MYO16: variants seen among roughly 807,000 people sequenced by gnomAD.
The protein encoded by MYO16 is unconventional myosin-XVI.
A neutral mutation model predicts 205.3 loss-of-function variants in MYO16; 94 were observed. That is an observed-to-expected ratio of 0.46 (90% CI 0.39 to 0.54). MYO16 has a LOEUF of 0.54. Ranked by LOEUF, MYO16 falls within the 20% of genes least tolerant of loss-of-function variation. The probability of loss-of-function intolerance (pLI) is 0.00; values close to 1 mark genes in which losing one functional copy is unlikely to be tolerated. For synonymous variants in MYO16, 988 were observed against 954.0 expected (o/e 1.04, Z -0.66); for missense variants, 2,315 against 2,387.5 (o/e 0.97, Z 0.63).
At chr13:109,032,382 C>T (rs550710600) in intron 23 of MYO16, among the ~76,000 whole-genome samples, 2 of 152,260 alleles carry the variant, frequency 1.3e-5, no homozygotes, top group South Asian at 2.1e-4. Flanking sequence ...CCTCCCACAT[C>T]GTCGCACATA....
At chr13:108,956,582 A>G (rs1370471179) in intron 16 of MYO16, among the ~76,000 whole-genome samples, 3 of 151,988 alleles carry the variant, frequency 2.0e-5, no homozygotes, top group South Asian at 4.1e-4. Context: ...ATCTTTGCTC[A>G]TCTCACCGTA....
chr13:109,164,720 G>C (rs996710473), intron 32 of MYO16, among the ~76,000 whole-genome samples, 181 bp from the exon 33 acceptor site: 3 of 152,022 alleles, frequency 2.0e-5, no homozygotes, highest in African/African-American at 7.2e-5. Context: ...CTTTTTGTTT[G>C]ACATTGTTGT....
In MYO16 at chr13:108,888,405, C is replaced by CA; in HGVS notation, c.1590dup (p.Gln531ThrfsTer39). ...GGGGATCAGGAAAGTCTGAAGCCAG[C>CA]AAACAAATCATAAGACACCTCACCT... On this transcript the variant is annotated frameshift_variant, in exon 14 of 35. Coordinates refer to ENST00000457511, the MANE Select transcript of MYO16 (RefSeq NM_001198950.3). LOFTEE classifies it high-confidence loss of function. 1 of 1,606,536 alleles carries CA rather than the reference C, an allele frequency of 6.2e-7. No individual in the cohort carries two copies. Among genetic ancestry groups the CA allele is most frequent in the Non-Finnish European group, 8.5e-7 (1 of 1,176,880 alleles).
intron 31 of MYO16, among the ~76,000 whole-genome samples, chr13:109,139,605 G>T (rs573897549): frequency 1.3e-5 from 2 of 152,198 alleles, no homozygotes; most frequent in African/African-American, 4.8e-5. Flanking sequence ...GCAGACTTGC[G>T]TCTTAAGAGC....
At chr13:108,680,108 G>T (rs1882399952) in intron 2 of MYO16, among the ~76,000 whole-genome samples, 1 of 152,150 alleles carries the variant, frequency 6.6e-6, no homozygotes, top group Admixed American at 6.6e-5. Context: ...GTCCCACAGT[G>T]CCTGGAGCTG....
At chr13:108,983,341 G>C (rs947911800) in intron 20 of MYO16, among the ~76,000 whole-genome samples, 1 of 152,120 alleles carries the variant, frequency 6.6e-6, no homozygotes, top group Non-Finnish European at 1.5e-5. Context: ...CCCCAGGACA[G>C]TGTTTCCCAG....
chr13:108,932,260 A>G (rs1324212763), intron 16 of MYO16, among the ~76,000 whole-genome samples: 1 of 152,224 alleles, frequency 6.6e-6, no homozygotes, highest in Non-Finnish European at 1.5e-5. Context: ...CCTGCTTATT[A>G]CATAATCTAT....
At chr13:109,090,374 G>A (rs941625270) in intron 27 of MYO16, among the ~76,000 whole-genome samples, 2 of 152,206 alleles carry the variant, frequency 1.3e-5, no homozygotes, top group African/African-American at 4.8e-5. Flanking sequence ...CGCAGGGCGG[G>A]GTCATGGGAA....
chr13:109,005,062 G>T (rs1430255766), intron 21 of MYO16, among the ~76,000 whole-genome samples: 1 of 152,152 alleles, frequency 6.6e-6, no homozygotes, highest in Admixed American at 6.5e-5. Flanking sequence ...GAGAGGAAAA[G>T]TTCTAGTTAC....
chr13:108,510,122 T>C, the MYO16 span, among the ~76,000 whole-genome samples: 1 of 152,138 alleles, frequency 6.6e-6, no homozygotes, highest in Non-Finnish European at 1.5e-5. Flanking sequence ...TTTGTTTTCG[T>C]TTTTTGTTTT....
At chr13:109,120,707 C>A (rs150279854) in intron 29 of MYO16, among the ~76,000 whole-genome samples, 293 of 152,278 alleles carry the variant, frequency 1.9e-3, no homozygotes, top group African/African-American at 6.7e-3. Flanking sequence ...AATTAGACAT[C>A]CTTTTTCTGT....
At chr13:108,957,298 C>T (rs373528378) in intron 16 of MYO16, among the ~76,000 whole-genome samples, 16 of 147,278 alleles carry the variant, frequency 1.1e-4, no homozygotes, top group East Asian at 8.1e-4. Flanking sequence ...GCAGGAGAAA[C>T]GCTTGAACCT....
intron 32 of MYO16, among the ~76,000 whole-genome samples, chr13:109,147,064 C>T (rs1015193809): frequency 2.0e-5 from 3 of 151,864 alleles, no homozygotes; most frequent in Non-Finnish European, 4.4e-5. Flanking sequence ...GAAGCCAGGG[C>T]GTCATTTTTC....
At chr13:108,855,963 G>A (rs1878151085) in intron 11 of MYO16, among the ~76,000 whole-genome samples, 1 of 152,176 alleles carries the variant, frequency 6.6e-6, no homozygotes, top group Non-Finnish European at 1.5e-5. Flanking sequence ...AGGTAAGACT[G>A]CATCTCTATT....
chr13:108,778,316 G>A (rs1430917982), intron 4 of MYO16, among the ~76,000 whole-genome samples: 1 of 152,196 alleles, frequency 6.6e-6, no homozygotes, highest in Non-Finnish European at 1.5e-5. Flanking sequence ...TGACTTCAGG[G>A]CTCAAGATTG....
At chr13:108,608,512 T>C (rs1879046182) in intron 1 of MYO16, among the ~76,000 whole-genome samples, 1 of 152,180 alleles carries the variant, frequency 6.6e-6, no homozygotes, top group Non-Finnish European at 1.5e-5. Flanking sequence ...TCTTAACCTA[T>C]TCCTGACTTT....
At chr13:109,158,679 T>C (rs1594140541) in intron 32 of MYO16, among the ~76,000 whole-genome samples, 1 of 152,262 alleles carries the variant, frequency 6.6e-6, no homozygotes, top group East Asian at 1.9e-4. Flanking sequence ...CCCATTTTGG[T>C]TTTTGTCCAG....
intron 27 of MYO16, among the ~76,000 whole-genome samples, chr13:109,087,119 GA>G (rs1566499390): frequency 1.3e-5 from 2 of 152,170 alleles, no homozygotes; most frequent in Non-Finnish European, 2.9e-5. Context: ...CACACTTTCC[GA>G]AGGAGGTGTG....
At chr13:108,966,139 G>A (rs1261877628) in intron 20 of MYO16, among the ~76,000 whole-genome samples, 1 of 151,984 alleles carries the variant, frequency 6.6e-6, no homozygotes, top group African/African-American at 2.4e-5. Context: ...GAGTAGCTAT[G>A]GTATAATCCA....
Sources: allele counts gnomAD v4.1 joint callset (sites outside exome capture counted in the v4.1 genomes callset), GRCh38; gene constraint gnomAD v4.1.1; transcripts MANE v1.5; gene names NCBI Gene and HGNC (gene_info 2026-07-23, HGNC 2026-07-21).